The following SLC4A4 variants were observed in gnomAD, a reference collection of about 807,000 sequenced individuals.
SLC4A4 encodes the protein electrogenic sodium bicarbonate cotransporter 1.
A neutral mutation model predicts 111.5 loss-of-function variants in SLC4A4; 27 were observed. The ratio of observed to expected loss-of-function variants is 0.24; its 90% CI spans 0.18 to 0.33. The LOEUF (loss-of-function observed/expected upper bound fraction) is 0.33, where lower values mean the gene tolerates loss of function less well. Among genes scored for constraint, SLC4A4 ranks in the 10% least tolerant of loss-of-function variants. The pLI is 1.00. For missense variants in SLC4A4, 909 were observed against 1,315.5 expected (o/e 0.69, Z 4.78); for synonymous variants, 443 against 463.4 (o/e 0.96, Z 0.57).
chr4:71,504,136 AC>A (rs1239971833), intron 16 of SLC4A4, among the ~76,000 whole-genome samples: 1 of 152,160 alleles, frequency 6.6e-6, no homozygotes, highest in African/African-American at 2.4e-5. Flanking sequence ...GCCTTGGAGA[AC>A]ATTGTTTAGG....
chr4:71,411,695 T>C (rs983424204), intron 7 of SLC4A4, among the ~76,000 whole-genome samples: 8 of 152,190 alleles, frequency 5.3e-5, no homozygotes, highest in Non-Finnish European at 1.2e-4. Flanking sequence ...AAGTATTTAG[T>C]GTTTGGTCTT....
At chr4:71,461,559 T>C (rs1225587906) in intron 12 of SLC4A4, among the ~76,000 whole-genome samples, 1 of 152,222 alleles carries the variant, frequency 6.6e-6, no homozygotes, top group Non-Finnish European at 1.5e-5. Context: ...TGCGTTGCCT[T>C]AGCCATGACA....
At chr4:71,185,783 T>C (rs1171082922), upstream of SLC4A4, among the ~76,000 whole-genome samples, 2 of 152,202 alleles carry the variant, frequency 1.3e-5, no homozygotes, top group African/African-American at 4.8e-5. Flanking sequence ...CATTTTTTTT[T>C]TCTCTTGGAG....
chr4:71,131,648 C>T (rs1197966745), intron 2 of SLC4A4, among the ~76,000 whole-genome samples: 1 of 152,160 alleles, frequency 6.6e-6, no homozygotes, highest in Non-Finnish European at 1.5e-5. Flanking sequence ...GATTATTAAA[C>T]ATTGGTAAAT....
chr4:71,374,404 ATCTT>A (rs1195768363), intron 6 of SLC4A4, among the ~76,000 whole-genome samples: 1 of 152,186 alleles, frequency 6.6e-6, no homozygotes, highest in Non-Finnish European at 1.5e-5. Context: ...AAGAAATAAA[ATCTT>A]TCAGCAACCT....
intron 3 of SLC4A4, among the ~76,000 whole-genome samples, chr4:71,329,614 A>G (rs1727804087): frequency 6.6e-6 from 1 of 151,936 alleles, no homozygotes; most frequent in African/African-American, 2.4e-5. Flanking sequence ...TTTCTTTTTC[A>G]GATTGTTCAC....
intron 16 of SLC4A4, among the ~76,000 whole-genome samples, chr4:71,531,112 A>C (rs2149208345): frequency 6.6e-6 from 1 of 152,254 alleles, no homozygotes; most frequent in East Asian, 1.9e-4. Context: ...ATGTGTATGC[A>C]CCGTATGGGA....
At position 71,513,503 on chromosome 4, in the gene SLC4A4, T is replaced by G. The variant is rs536685380; in HGVS notation, c.2166+15811T>G. 7.2e-5 allele frequency among the ~76,000 whole-genome samples: 11 copies of G among 152,342 alleles called. No homozygotes were observed. The South Asian group carries it at 1.4e-3, about 20-fold the overall frequency. ...GTATCCTGCAACTGTACTAATTTTT[T>G]TAATCAAATCTAAGAGATTTTTGAT... On this transcript the variant is annotated intron_variant, in intron 16 of 25. Coordinates refer to ENST00000264485, the MANE Select transcript of SLC4A4 (RefSeq NM_001098484.3).
Position 71,515,740 on chromosome 4 carries a change from T to C in SLC4A4, c.2167-16322T>C, listed in dbSNP as rs530364327. Among the ~76,000 whole-genome samples the C allele has an allele frequency of 2.0e-5, 3 of 152,318 alleles. No homozygotes were observed. In the South Asian group the frequency reaches 6.2e-4, roughly 32 times the overall value. On this transcript the variant is annotated intron_variant, in intron 16 of 25. Coordinates refer to ENST00000264485, the MANE Select transcript of SLC4A4 (RefSeq NM_001098484.3). ...ATATAAAATGACTTTTTTAAAACTG[T>C]TCTTGACTCAAAGTCTGTTTTATCT...
At chr4:71,500,922 T>C (rs1730864565) in intron 16 of SLC4A4, among the ~76,000 whole-genome samples, 1 of 152,176 alleles carries the variant, frequency 6.6e-6, no homozygotes, top group Non-Finnish European at 1.5e-5. Context: ...TTGCTCAAGA[T>C]TGGTTTGGCT....
At chr4:71,454,616 A>G (rs1726056917) in intron 12 of SLC4A4, among the ~76,000 whole-genome samples, 1 of 152,004 alleles carries the variant, frequency 6.6e-6, no homozygotes, top group African/African-American at 2.4e-5. Context: ...TTTCCTGGGC[A>G]CATGCATATT....
chr4:71,513,365 A>T (rs908353072), intron 16 of SLC4A4, among the ~76,000 whole-genome samples: 3 of 152,030 alleles, frequency 2.0e-5, no homozygotes, highest in Non-Finnish European at 4.4e-5. Context: ...ATTTATTCCT[A>T]GGTATTTTAT....
intron 12 of SLC4A4, among the ~76,000 whole-genome samples, chr4:71,458,554 A>T (rs1726506228): frequency 6.6e-6 from 1 of 152,080 alleles, no homozygotes; most frequent in Non-Finnish European, 1.5e-5. Context: ...ATTTTGTGAT[A>T]TTTATGGAGC....
At chr4:71,373,996 G>A (rs1027888346) in intron 6 of SLC4A4, among the ~76,000 whole-genome samples, 11 of 152,166 alleles carry the variant, frequency 7.2e-5, no homozygotes, top group Non-Finnish European at 1.2e-4. Context: ...CCCATCATAC[G>A]TGTTGTGACC....
At chr4:71,236,441 AC>A (rs1297433317) in intron 1 of SLC4A4, 134 bp from the exon 2 acceptor site, 18 of 824,288 alleles carry the variant, frequency 2.2e-5, no homozygotes, top group Non-Finnish European at 3.5e-5. Context: ...AGTAGCAGAC[AC>A]CAGAAGAAGA....
At chr4:71,464,949 T>C (rs569882538) in intron 12 of SLC4A4, among the ~76,000 whole-genome samples, 1 of 152,306 alleles carries the variant, frequency 6.6e-6, no homozygotes, top group Non-Finnish European at 1.5e-5. Context: ...ATGTATATTG[T>C]ATTTTCTTTA....
intron 18 of SLC4A4, among the ~76,000 whole-genome samples, chr4:71,541,707 A>T (rs1039625489): frequency 4.4e-5 from 6 of 136,112 alleles, no homozygotes; most frequent in African/African-American, 1.6e-4. Context: ...GTGAGGATGG[A>T]TGGGGGAGGA....
At chr4:71,173,196 A>C (rs566725387) in intron 2 of SLC4A4, among the ~76,000 whole-genome samples, 1 of 152,274 alleles carries the variant, frequency 6.6e-6, no homozygotes, top group African/African-American at 2.4e-5. Flanking sequence ...AAAGAAATAA[A>C]ATCAAAGTCT....
intron 7 of SLC4A4, among the ~76,000 whole-genome samples, chr4:71,411,154 C>T (rs1721327442): frequency 6.6e-6 from 1 of 152,166 alleles, no homozygotes; most frequent in Non-Finnish European, 1.5e-5. Context: ...CTCTCCAAAG[C>T]AGATGTGCCA....
Sources: allele counts gnomAD v4.1 joint callset (sites outside exome capture counted in the v4.1 genomes callset), GRCh38; gene constraint gnomAD v4.1.1; transcripts MANE v1.5; gene names NCBI Gene and HGNC (gene_info 2026-07-23, HGNC 2026-07-21).